The following MCUB variants were observed in gnomAD, a reference collection of about 807,000 sequenced individuals.
MCUB encodes mitochondrial calcium uniporter dominant negative subunit beta.
MCUB carries 46 observed loss-of-function variants against 41.4 expected under a neutral mutation model. The ratio of observed to expected loss-of-function variants is 1.11; its 90% CI spans 0.88 to 1.42. The LOEUF is 1.42. Among genes scored for constraint, MCUB ranks in the 40% most tolerant of loss-of-function variants. MCUB has a pLI of 0.00. For synonymous variants in MCUB, 148 were observed against 148.2 expected (o/e 1.00, Z 0.01); for missense variants, 403 against 404.9 (o/e 1.00, Z 0.04).
intron 4 of MCUB, 98 bp from the exon 5 acceptor site, chr4:109,682,484 T>C: frequency 2.1e-6 from 2 of 972,060 alleles, no homozygotes; most frequent in Non-Finnish European, 3.1e-6. Context: ...CTGTGGATCC[T>C]AAGATAATAT....
At chr4:109,665,038 C>G (rs939134871) in intron 4 of MCUB, among the ~76,000 whole-genome samples, 1 of 152,156 alleles carries the variant, frequency 6.6e-6, no homozygotes, top group African/African-American at 2.4e-5. Context: ...CTGCACCCCA[C>G]GCCCCTTATT....
chr4:109,661,647 G>A (rs1729233720), intron 3 of MCUB, among the ~76,000 whole-genome samples: 2 of 152,156 alleles, frequency 1.3e-5, no homozygotes, highest in South Asian at 2.1e-4. Flanking sequence ...ATAAAGCAGA[G>A]TGTGGAAGAT....
At chr4:109,608,576 C>G (rs972823814) in intron 1 of MCUB, among the ~76,000 whole-genome samples, 8 of 152,188 alleles carry the variant, frequency 5.3e-5, no homozygotes, top group Admixed American at 4.6e-4. Context: ...CAGCCATGAC[C>G]TCCCTGACTA....
At chr4:109,677,082 A>T (rs1405248214) in intron 4 of MCUB, among the ~76,000 whole-genome samples, 3 of 152,174 alleles carry the variant, frequency 2.0e-5, no homozygotes, top group Non-Finnish European at 4.4e-5. Flanking sequence ...TGAGGACCTA[A>T]CCCCTGCCTT....
intron 1 of MCUB, among the ~76,000 whole-genome samples, chr4:109,643,382 AG>A (rs1728764760): frequency 6.6e-6 from 1 of 151,270 alleles, no homozygotes; most frequent in African/African-American, 2.4e-5. Flanking sequence ...ACGGGGTTTC[AG>A]TATGTTGGCC....
intron 1 of MCUB, among the ~76,000 whole-genome samples, chr4:109,580,282 A>T (rs547271002): frequency 6.6e-6 from 1 of 152,256 alleles, no homozygotes; most frequent in East Asian, 1.9e-4. Context: ...TCTATCATTG[A>T]TGGACATTTG....
In MCUB at chr4:109,626,631, G is replaced by C. The variant is rs113189045; in HGVS notation, c.100-32380G>C. On this transcript the variant is annotated intron_variant, in intron 1 of 7. Transcript: ENST00000394650. ...AGTTTGAGACAGGCCTGGCCGACAT[G>C]GCAAAACCCTGTTTCTACTTAAAAC... Among the ~76,000 whole-genome samples the C allele has an allele frequency of 4.4e-3, 671 of 152,100 alleles. 7 individuals are homozygous for C. Among genetic ancestry groups the C allele is most frequent in the Non-Finnish European group, 7.1e-3 (484 of 68,002 alleles).
intron 1 of MCUB, among the ~76,000 whole-genome samples, chr4:109,623,478 T>C (rs1283559175): frequency 1.3e-5 from 2 of 152,236 alleles, no homozygotes; most frequent in African/African-American, 2.4e-5. Flanking sequence ...AGCGCTGATA[T>C]TGAATGTGTC....
intron 1 of MCUB, among the ~76,000 whole-genome samples, chr4:109,641,946 G>C (rs975445118): frequency 2.6e-5 from 4 of 152,326 alleles, no homozygotes; most frequent in African/African-American, 9.6e-5. Flanking sequence ...TTATATAAAA[G>C]TGGTGACTAT....
intron 1 of MCUB, among the ~76,000 whole-genome samples, chr4:109,639,899 C>A (rs564247132): frequency 6.6e-6 from 1 of 152,148 alleles, no homozygotes; most frequent in African/African-American, 2.4e-5. Context: ...GCGTTATTAG[C>A]CTGTCCTTTG....
chr4:109,671,067 C>G (rs1454411138), intron 4 of MCUB, among the ~76,000 whole-genome samples: 1 of 152,180 alleles, frequency 6.6e-6, no homozygotes, highest in Non-Finnish European at 1.5e-5. Flanking sequence ...ATTTTGGCGA[C>G]AGCAATTTTC....
intron 1 of MCUB, among the ~76,000 whole-genome samples, chr4:109,651,535 T>C (rs575848650): frequency 1.3e-5 from 2 of 152,246 alleles, no homozygotes; most frequent in Non-Finnish European, 2.9e-5. Context: ...TATGTCAGTA[T>C]GAAAACATAA....
At chr4:109,682,966 CA>C in intron 5 of MCUB, 1 of 420,068 alleles carries the variant, frequency 2.4e-6, no homozygotes, top group Non-Finnish European at 4.3e-6. Flanking sequence ...GACTTGAGCT[CA>C]CGTGGCCTGT....
intron 1 of MCUB, among the ~76,000 whole-genome samples, chr4:109,576,302 T>C (rs535798782): frequency 7.9e-5 from 12 of 152,200 alleles, no homozygotes; most frequent in Non-Finnish European, 1.6e-4. Context: ...CCATTCTTAC[T>C]TATGGTAAGT....
At chr4:109,624,554 T>C (rs1315466663) in intron 1 of MCUB, among the ~76,000 whole-genome samples, 3 of 152,158 alleles carry the variant, frequency 2.0e-5, no homozygotes, top group South Asian at 4.1e-4. Context: ...ATAGCTAGAA[T>C]TGATGAAGAG....
rs185060909 is a variant in MCUB, at chr4:109,688,311, A to G, written c.*719A>G. The G allele has an allele frequency of 5.3e-5, 8 of 152,332 alleles. No homozygotes were observed. Among genetic ancestry groups the G allele is most frequent in the African/African-American group, 1.9e-4 (8 of 41,566 alleles). 9.4% of individuals were successfully genotyped at this position (152,332 alleles called of 1,614,324 possible). Reference sequence around the variant, plus strand: ...CCTTGAAAGTAACATCTGTTATTCTATTAATGTGATTGTGTGTGAATGGGT... The same window carrying G: ...CCTTGAAAGTAACATCTGTTATTCTGTTAATGTGATTGTGTGTGAATGGGT... On this transcript the variant is annotated 3_prime_UTR_variant, in exon 8 of 8. Transcript: ENST00000394650.
intron 1 of MCUB, among the ~76,000 whole-genome samples, chr4:109,641,276 T>C (rs1450159242): frequency 6.6e-6 from 1 of 151,504 alleles, no homozygotes; most frequent in Non-Finnish European, 1.5e-5. Flanking sequence ...TATTTTTTTT[T>C]TTTTTTTTTA....
chr4:109,610,494 G>A (rs553887919), intron 1 of MCUB, among the ~76,000 whole-genome samples: 1 of 152,296 alleles, frequency 6.6e-6, no homozygotes, highest in South Asian at 2.1e-4. Context: ...TATATTGAGA[G>A]ATAGTGTTCA....
chr4:109,589,494 T>C (rs1285415996), intron 1 of MCUB, among the ~76,000 whole-genome samples: 2 of 152,190 alleles, frequency 1.3e-5, no homozygotes, highest in Non-Finnish European at 2.9e-5. Context: ...GAGAAAGCCC[T>C]TAGGTTTAGG....
Sources: gnomAD v4.1 joint callset for allele counts (sites outside exome capture counted in the v4.1 genomes callset) on GRCh38, gnomAD v4.1.1 for gene constraint, MANE v1.5 for transcripts, NCBI Gene and HGNC (gene_info 2026-07-23, HGNC 2026-07-21) for gene names.